The following PLCB4 variants were observed in gnomAD, a reference collection of about 807,000 sequenced individuals.
PLCB4 encodes 1-phosphatidylinositol 4,5-bisphosphate phosphodiesterase beta-4.
Under a neutral mutation model 178.8 loss-of-function variants are expected in PLCB4, and 77 were observed. The observed-to-expected ratio is 0.43, with a 90% CI of 0.36 to 0.52. PLCB4 has a LOEUF of 0.52. PLCB4 is among the 20% of genes least tolerant of loss of function. The pLI, the probability that PLCB4 is intolerant of heterozygous loss-of-function variation, is 0.00. For missense variants in PLCB4, 1,024 were observed against 1,453.4 expected (o/e 0.70, Z 4.80); for synonymous variants, 496 against 490.8 (o/e 1.01, Z -0.14).
chr20:9,423,799 A>T lies in PLCB4; in HGVS notation c.2371A>T (p.Asn791Tyr). 6.2e-7 allele frequency: 1 copy of T among 1,614,072 alleles called. No individual in the cohort carries two copies. Among genetic ancestry groups the T allele is most frequent in the Non-Finnish European group, 8.5e-7 (1 of 1,180,002 alleles). Residue 791 changes from asparagine (N) to tyrosine (Y), a missense_variant, in exon 28 of 40, where the codon AAC becomes TAC. Transcript: ENST00000378473. ...GAGAATAGCTGTGTATGATGATAACAACAAGCTGATTGGCCAGAGGATCCT... is the reference window on the plus strand; with the variant it reads ...GAGAATAGCTGTGTATGATGATAACTACAAGCTGATTGGCCAGAGGATCCT... ...VLRIAVYDDNNKLIGQRILPL... is the reference protein window; with the variant it reads ...VLRIAVYDDNYKLIGQRILPL...
chr20:9,332,016 A>G (rs2031744931), intron 4 of PLCB4, among the ~76,000 whole-genome samples: 1 of 152,320 alleles, frequency 6.6e-6, no homozygotes, highest in Admixed American at 6.5e-5. Flanking sequence ...GGATGAGCTA[A>G]CGTGTCCTTG....
chr20:9,242,712 A>G (rs1394265341), intron 3 of PLCB4, among the ~76,000 whole-genome samples: 1 of 152,050 alleles, frequency 6.6e-6, no homozygotes, highest in Non-Finnish European at 1.5e-5. Flanking sequence ...TAAATCAGGG[A>G]ATTAGAGTAG....
chr20:9,184,823 G>A (rs2093306133), intron 2 of PLCB4, among the ~76,000 whole-genome samples: 3 of 152,296 alleles, frequency 2.0e-5, no homozygotes, highest in African/African-American at 2.4e-5. Flanking sequence ...TAGCCCTACT[G>A]TAAAATACTC....
chr20:9,327,287 T>G (rs1441226622), intron 4 of PLCB4, among the ~76,000 whole-genome samples: 1 of 150,896 alleles, frequency 6.6e-6, no homozygotes, highest in African/African-American at 2.5e-5. Flanking sequence ...AAAAAAAATT[T>G]TTTTTTTTAA....
intron 1 of PLCB4, among the ~76,000 whole-genome samples, chr20:9,080,887 C>T (rs1442587494): frequency 2.0e-5 from 3 of 152,264 alleles, no homozygotes; most frequent in East Asian, 1.9e-4. Flanking sequence ...TGTCTCCTTC[C>T]GGTTTCTAAA....
chr20:9,452,160 T>G (rs937868879), intron 32 of PLCB4, among the ~76,000 whole-genome samples: 1 of 152,210 alleles, frequency 6.6e-6, no homozygotes, highest in Admixed American at 6.5e-5. Context: ...AATTTATATA[T>G]AAATGAATTG....
Position 9,468,576 on chromosome 20 carries a change from G to A in PLCB4, c.3254G>A (p.Ser1085Asn). The A allele has an allele frequency of 1.3e-6, 2 of 1,599,038 alleles. No homozygotes were observed. ...TTCTTGTTTTTAATACATAGGGAAA[G>A]CAAGGAAATGCGAGCACACCAGGCT... ...QQLKLSHDRESKEMRAHQAKI... is the reference protein window; with the variant it reads ...QQLKLSHDRENKEMRAHQAKI... The change falls in exon 36 of 40, where the codon AGC becomes AAC. Residue 1085 changes from serine to asparagine, a missense_variant. Around this residue, in one of 7 missense-constraint regions of PLCB4, gnomAD observed 264 missense variants for 283.2 expected, o/e 0.93. Coordinates refer to ENST00000378473, the MANE Select transcript of PLCB4 (RefSeq NM_001377142.1).
chr20:9,365,537 T>C, intron 9 of PLCB4, 23 bp downstream of exon 9: 2 of 1,507,466 alleles, frequency 1.3e-6, no homozygotes, highest in Non-Finnish European at 1.8e-6. Context: ...TCCTATCTGC[T>C]GTCCGTGTCC....
chr20:9,205,712 A>G (rs1433102306), intron 2 of PLCB4, among the ~76,000 whole-genome samples: 1 of 152,192 alleles, frequency 6.6e-6, no homozygotes. Flanking sequence ...TCATTATGAC[A>G]CGACCACAGT....
intron 30 of PLCB4, among the ~76,000 whole-genome samples, chr20:9,441,284 T>TA (rs1224227385): frequency 6.6e-6 from 1 of 152,120 alleles, no homozygotes; most frequent in Non-Finnish European, 1.5e-5. Flanking sequence ...GGCATGGAAG[T>TA]ACAAGAGAGA....
At chr20:9,174,555 T>C (rs1295705541) in intron 2 of PLCB4, among the ~76,000 whole-genome samples, 2 of 151,994 alleles carry the variant, frequency 1.3e-5, no homozygotes, top group Non-Finnish European at 2.9e-5. Context: ...CTAATTAAGA[T>C]GTTTCTTCCC....
At chr20:9,328,180 C>T (rs926346023) in intron 4 of PLCB4, among the ~76,000 whole-genome samples, 1 of 152,056 alleles carries the variant, frequency 6.6e-6, no homozygotes, top group Non-Finnish European at 1.5e-5. Flanking sequence ...CAACAAGCAG[C>T]GAAAATGATC....
chr20:9,114,160 G>A (rs1443666499), intron 2 of PLCB4, among the ~76,000 whole-genome samples: 1 of 152,172 alleles, frequency 6.6e-6, no homozygotes, highest in African/African-American at 2.4e-5. Context: ...GTTGTAGTGA[G>A]CTGAGATCAT....
At chr20:9,256,934 GA>G (rs1488557176) in intron 3 of PLCB4, among the ~76,000 whole-genome samples, 2 of 152,162 alleles carry the variant, frequency 1.3e-5, no homozygotes, top group Non-Finnish European at 2.9e-5. Context: ...GACATAAATG[GA>G]AGGCAACTTG....
At chr20:9,081,098 C>T (rs1044435788) in intron 1 of PLCB4, among the ~76,000 whole-genome samples, 1 of 152,174 alleles carries the variant, frequency 6.6e-6, no homozygotes, top group South Asian at 2.1e-4. Context: ...CTTCTATTGG[C>T]TATTCAGTGA....
At chr20:9,195,230 A>G (rs112046188) in intron 2 of PLCB4, among the ~76,000 whole-genome samples, 7 of 152,354 alleles carry the variant, frequency 4.6e-5, no homozygotes, top group African/African-American at 1.4e-4. Context: ...TAATGTGGAT[A>G]TGAGTCACCT....
intron 32 of PLCB4, among the ~76,000 whole-genome samples, chr20:9,448,791 A>G (rs529439133): frequency 6.6e-6 from 1 of 152,312 alleles, no homozygotes; most frequent in East Asian, 1.9e-4. Flanking sequence ...TCTATGAACT[A>G]TATCTCAGCA....
chr20:9,411,909 A>G (rs1279889198), intron 25 of PLCB4, among the ~76,000 whole-genome samples: 1 of 152,096 alleles, frequency 6.6e-6, no homozygotes, highest in African/African-American at 2.4e-5. Context: ...ACCTGATTGG[A>G]TATCTTTTTA....
At chr20:9,242,084 G>A (rs188788617) in intron 3 of PLCB4, among the ~76,000 whole-genome samples, 1 of 152,308 alleles carries the variant, frequency 6.6e-6, no homozygotes, top group East Asian at 1.9e-4. Flanking sequence ...GGAACTGCAG[G>A]TGCAGGTGCT....
Sources: gnomAD v4.1 joint callset for allele counts (sites outside exome capture counted in the v4.1 genomes callset) on GRCh38, gnomAD v4.1.1 for gene constraint, gnomAD v4.1.1 regional missense constraint, MANE v1.5 for transcripts, NCBI Gene and HGNC (gene_info 2026-07-23, HGNC 2026-07-21) for gene names.